SYDE1: variants seen among roughly 807,000 people sequenced by gnomAD.
SYDE1 encodes the protein synapse defective Rho GTPase activating protein 1.
In SYDE1, 34 loss-of-function variants were observed where a neutral mutation model predicts 63.3. That is an observed-to-expected ratio of 0.54 (90% CI 0.41 to 0.71). SYDE1 has a LOEUF of 0.71. Ranked by LOEUF, SYDE1 falls within the 30% of genes least tolerant of loss-of-function variation. The pLI is 0.00. For missense variants in SYDE1, 925 were observed against 1,042.5 expected (o/e 0.89, Z 1.55); for synonymous variants, 467 against 473.4 (o/e 0.99, Z 0.18).
At position 15,108,489 on chromosome 19, in the gene SYDE1, T is replaced by C. The variant is rs1024197866; in HGVS notation, c.89-567T>C. On this transcript the variant is annotated intron_variant, in intron 1 of 7. Coordinates refer to ENST00000342784, the MANE Select transcript of SYDE1 (RefSeq NM_033025.6). The surrounding 1 kb of genome is among the most constrained non-coding windows in gnomAD (Gnocchi z 4.3). ...GCCCATCCCAGGATGGCGACAGAGTTTGGAAGACAGGAGGGAGGGTAAAAG... is the reference window on the plus strand; with the variant it reads ...GCCCATCCCAGGATGGCGACAGAGTCTGGAAGACAGGAGGGAGGGTAAAAG... Among the ~76,000 whole-genome samples, 2 of 151,880 alleles carry C rather than the reference T, an allele frequency of 1.3e-5. No individual in the cohort carries two copies. The highest frequency in any genetic ancestry group is 4.8e-5 in the African/African-American group (2 of 41,342).
chr19:15,113,791 C>T lies in SYDE1; in HGVS notation c.2036C>T (p.Thr679Met), dbSNP rs746768171. ...TCCGGGCCAGACTACGACCACGTGA[C>T]GGGCAGTGACAGCGAGGACGAGGAC... ...FLSGPDYDHV[T>M]GSDSEDEDEE... The change falls in exon 8 of 8, where the codon ACG becomes ATG. Residue 679 changes from threonine (T) to methionine (M), a missense_variant. Physicochemically the swap from Thr to Met is moderately conservative, Grantham distance 81. Transcript: ENST00000342784. 1.9e-6 allele frequency: 3 copies of T among 1,614,154 alleles called. No individual in the cohort carries two copies. Among genetic ancestry groups the T allele is most frequent in the Non-Finnish European group, 2.5e-6 (3 of 1,180,050 alleles).
chr19:15,113,226 G>A (rs2046356940), intron 7 of SYDE1, among the ~76,000 whole-genome samples: 1 of 151,416 alleles, frequency 6.6e-6, no homozygotes, highest in Non-Finnish European at 1.5e-5. Context: ...TTTTAGTGGA[G>A]ATGGGGCTTC....
rs1599327062 is a variant in SYDE1 at position 15,114,023 on chromosome 19, T to C, written c.*60T>C. 6.6e-7 allele frequency: 1 copy of C among 1,519,280 alleles called. No individual in the cohort carries two copies. The highest frequency in any genetic ancestry group is 1.4e-5 in the African/African-American group (1 of 72,552). The allele number at this position is 1,519,280 out of a possible 1,614,324, so 94.1% of individuals were successfully genotyped here. ...ACCGGGCGCCCAGTGGCTAAGGCGG[T>C]GCCCTGGTGACCAAGGAGAGCCAGA... On this transcript the variant is annotated 3_prime_UTR_variant, in exon 8 of 8. Coordinates refer to ENST00000342784, the MANE Select transcript of SYDE1 (RefSeq NM_033025.6).
In SYDE1 at chr19:15,109,902, T is replaced by TGG; in HGVS notation, c.634_635dup (p.Pro213AlafsTer129). On this transcript the variant is annotated frameshift_variant, in exon 3 of 8. Coordinates refer to ENST00000342784, the MANE Select transcript of SYDE1 (RefSeq NM_033025.6). LOFTEE classifies it high-confidence loss of function. The surrounding 1 kb of genome is among the most constrained non-coding windows in gnomAD (Gnocchi z 5.0). The stretch of plus-strand genomic sequence containing the variant: ...AGCCGCTACCACCTGGACAGCAGCG[T>TGG]GGGGGGCCCCGGGCCGGCAGCAGGG... The TGG allele has an allele frequency of 6.8e-7, 1 of 1,477,034 alleles. No homozygotes were observed. The highest frequency in any genetic ancestry group is 8.9e-7 in the Non-Finnish European group (1 of 1,119,592). The allele number at this position is 1,477,034 out of a possible 1,614,324, so 91.5% of individuals were successfully genotyped here.
In SYDE1 at chr19:15,109,911, C is replaced by A; in HGVS notation, c.638C>A (p.Pro213His). 6.8e-7 allele frequency: 1 copy of A among 1,465,232 alleles called. No homozygotes were observed. 90.8% of individuals were successfully genotyped at this position (1,465,232 alleles called of 1,614,324 possible). ...RYHLDSSVGG[P>H]GPAAGPGGTR... ...CACCTGGACAGCAGCGTGGGGGGCC[C>A]CGGGCCGGCAGCAGGGCCTGGGGGC... is the stretch of plus-strand genomic sequence containing the variant. Residue 213 changes from proline to histidine, a missense_variant, in exon 3 of 8, where the codon CCC becomes CAC. Transcript: ENST00000342784. This position sits in a 1 kb window ranked among gnomAD's most constrained non-coding sequence, Gnocchi z 5.0.
In SYDE1 at chr19:15,111,681, GC is replaced by G. The variant is rs1568329383; in HGVS notation, c.1471del (p.Leu491CysfsTer39). ...AGTTGCCCACCCCACTCATCACCCA[GC>G]CCCTGTATAAGGTGGTACTGGAGGC... ...RELPTPLITQ[P>X]LYKVVLEAMA... On this transcript the variant is annotated frameshift_variant, in exon 6 of 8. Coordinates refer to ENST00000342784, the MANE Select transcript of SYDE1 (RefSeq NM_033025.6). LOFTEE classifies it high-confidence loss of function. This position sits in a 1 kb window ranked among gnomAD's most constrained non-coding sequence, Gnocchi z 5.5. 1 of 1,613,660 alleles carries G rather than the reference GC, an allele frequency of 6.2e-7. No homozygotes were observed. Among genetic ancestry groups the G allele is most frequent in the Non-Finnish European group, 8.5e-7 (1 of 1,179,814 alleles).
Position 15,113,955 on chromosome 19 carries a change from T to A in SYDE1, c.2200T>A (p.Cys734Ser). Reference protein sequence around the residue: ...ERELSKQINVCL With the variant: ...ERELSKQINVSL ...AGAGCTCTCCAAGCAAATCAACGTG[T>A]GCCTCTGAGCCAGATGACGGGGTGG... The change falls in exon 8 of 8, where the codon TGC becomes AGC. Residue 734 changes from cysteine to serine, a missense_variant. Cys to Ser is a moderately radical substitution (Grantham distance 112). This residue lies in a region of SYDE1 where 255 missense variants were observed against 255.9 expected (regional missense o/e 1.00). Transcript: ENST00000342784. The A allele has an allele frequency of 6.2e-7, 1 of 1,611,690 alleles. No homozygotes were observed. Among genetic ancestry groups the A allele is most frequent in the Non-Finnish European group, 8.5e-7 (1 of 1,178,388 alleles).
In SYDE1 at chr19:15,108,502, G is replaced by A. The variant is rs746200021; in HGVS notation, c.89-554G>A. On this transcript the variant is annotated intron_variant, in intron 1 of 7. Coordinates refer to ENST00000342784, the MANE Select transcript of SYDE1 (RefSeq NM_033025.6). The surrounding 1 kb of genome is among the most constrained non-coding windows in gnomAD (Gnocchi z 4.3). Reference sequence around the variant, plus strand: ...TGGCGACAGAGTTTGGAAGACAGGAGGGAGGGTAAAAGGGGCAGGGGACTG... The same window carrying A: ...TGGCGACAGAGTTTGGAAGACAGGAAGGAGGGTAAAAGGGGCAGGGGACTG... Among the ~76,000 whole-genome samples, 3 of 152,142 alleles carry A rather than the reference G, an allele frequency of 2.0e-5. No individual in the cohort carries two copies. Among genetic ancestry groups the A allele is most frequent in the Admixed American group, 6.5e-5 (1 of 15,286 alleles).
rs2046364145 is a variant in SYDE1 at position 15,113,832 on chromosome 19, C to G, written c.2077C>G (p.Pro693Ala). The change falls in exon 8 of 8, where the codon CCG becomes GCG. Residue 693 changes from proline to alanine, a missense_variant. By Grantham distance (27) the Pro-to-Ala change is conservative. Around this residue, in one of 3 missense-constraint regions of SYDE1, gnomAD observed 255 missense variants for 255.9 expected, o/e 1.00. Coordinates refer to ENST00000342784, the MANE Select transcript of SYDE1 (RefSeq NM_033025.6). ...GGACGAGGACGAGGAGGTCGGCGAG[C>G]CGAGGGTCACCGGTGACTTCGAAGA... is the stretch of plus-strand genomic sequence containing the variant. ...SEDEDEEVGE[P>A]RVTGDFEDDF... 6.2e-7 allele frequency: 1 copy of G among 1,614,182 alleles called. No individual in the cohort carries two copies. Among genetic ancestry groups the G allele is most frequent in the Non-Finnish European group, 8.5e-7 (1 of 1,180,036 alleles).
Position 15,109,902 on chromosome 19 carries a change from TG to T in SYDE1, c.635del (p.Gly212AlafsTer129), listed in dbSNP as rs1214190235. 4 of 1,477,032 alleles carry T rather than the reference TG, an allele frequency of 2.7e-6. No homozygotes were observed. Among genetic ancestry groups the T allele is most frequent in the Admixed American group, 2.4e-5 (1 of 41,954 alleles). The allele number at this position is 1,477,032 out of a possible 1,614,324, so 91.5% of individuals were successfully genotyped here. Reference sequence around the variant, plus strand: ...AGCCGCTACCACCTGGACAGCAGCGTGGGGGGCCCCGGGCCGGCAGCAGGGC... The same window carrying T: ...AGCCGCTACCACCTGGACAGCAGCGTGGGGGCCCCGGGCCGGCAGCAGGGC... The part of the protein sequence containing the change: ...VISRYHLDSS[V>X]GGPGPAAGPG... On this transcript the variant is annotated frameshift_variant, in exon 3 of 8. Transcript: ENST00000342784. LOFTEE classifies it high-confidence loss of function. This position sits in a 1 kb window ranked among gnomAD's most constrained non-coding sequence, Gnocchi z 5.0.
At position 15,113,674 on chromosome 19, in the gene SYDE1, G is replaced by A. The variant is rs750345958; in HGVS notation, c.1919G>A (p.Arg640Gln). The change falls in exon 8 of 8, where the codon CGA becomes CAA. Residue 640 changes from arginine to glutamine, a missense_variant. Physicochemically the swap from Arg to Gln is conservative, Grantham distance 43 (BLOSUM62 1). This residue lies in a region of SYDE1 where 255 missense variants were observed against 255.9 expected (regional missense o/e 1.00). Transcript: ENST00000342784. ...GAAGTGGTGACTCGGCCCCGCGGTC[G>A]AGGAGGCCCCGAAAGCCCCCCGAGC... ...DPEVVTRPRG[R>Q]GGPESPPSNR... 2.5e-6 allele frequency: 4 copies of A among 1,613,142 alleles called. No homozygotes were observed. The African/African-American group carries it at 5.3e-5, about 22-fold the overall frequency.
Position 15,109,325 on chromosome 19 carries a change from C to T in SYDE1, c.358C>T (p.Pro120Ser). The T allele has an allele frequency of 1.2e-6, 2 of 1,609,340 alleles. No homozygotes were observed. Among genetic ancestry groups the T allele is most frequent in the South Asian group, 1.1e-5 (1 of 90,708 alleles). The change falls in exon 2 of 8, where the codon CCC becomes TCC. Residue 120 changes from proline to serine, a missense_variant. Physicochemically the swap from Pro to Ser is moderately conservative, Grantham distance 74. This residue lies in a region of SYDE1 where 599 missense variants were observed against 653.7 expected (regional missense o/e 0.92). Coordinates refer to ENST00000342784, the MANE Select transcript of SYDE1 (RefSeq NM_033025.6). This position sits in a 1 kb window ranked among gnomAD's most constrained non-coding sequence, Gnocchi z 5.0. ...GTACAACCCCATCCCTGAGGAAGACCCCAGACCTCCAGCACCTGAGCCCCC... is the reference window on the plus strand; with the variant it reads ...GTACAACCCCATCCCTGAGGAAGACTCCAGACCTCCAGCACCTGAGCCCCC... ...IWYNPIPEED[P>S]RPPAPEPPGP...
In SYDE1 at chr19:15,110,186, C is replaced by T; in HGVS notation, c.913C>T (p.Pro305Ser). ...VDGEARARTGPLRGGPDFLRL... is the reference protein window; with the variant it reads ...VDGEARARTGSLRGGPDFLRL... The stretch of plus-strand genomic sequence containing the variant: ...TGGGGAGGCCAGGGCCCGAACAGGG[C>T]CACTGCGAGGGGGGCCGGACTTCCT... The change falls in exon 3 of 8, where the codon CCA becomes TCA. Residue 305 changes from proline (P) to serine (S), a missense_variant. This residue lies in a region of SYDE1 where 599 missense variants were observed against 653.7 expected (regional missense o/e 0.92). Transcript: ENST00000342784. The surrounding 1 kb of genome is among the most constrained non-coding windows in gnomAD (Gnocchi z 6.9). The T allele has an allele frequency of 7.1e-7, 1 of 1,414,072 alleles. No homozygotes were observed. The highest frequency in any genetic ancestry group is 9.2e-7 in the Non-Finnish European group (1 of 1,087,260). The allele number at this position is 1,414,072 out of a possible 1,614,324, so 87.6% of individuals were successfully genotyped here.
Position 15,109,324 on chromosome 19 carries a change from C to T in SYDE1, c.357C>T (p.Asp119=), listed in dbSNP as rs754798208. The T allele has an allele frequency of 3.7e-5, 60 of 1,609,152 alleles. No homozygotes were observed. The highest frequency in any genetic ancestry group is 5.0e-5 in the Non-Finnish European group (59 of 1,177,058). ...GGTACAACCCCATCCCTGAGGAAGACCCCAGACCTCCAGCACCTGAGCCCC... is the reference window on the plus strand; with the variant it reads ...GGTACAACCCCATCCCTGAGGAAGATCCCAGACCTCCAGCACCTGAGCCCC... ...EIWYNPIPEE[D]PRPPAPEPPG... is the part of the protein sequence containing the mutation. Residue 119 remains aspartate (D), a synonymous_variant, in exon 2 of 8, where the codon GAC becomes GAT. Transcript: ENST00000342784. This position sits in a 1 kb window ranked among gnomAD's most constrained non-coding sequence, Gnocchi z 5.0.
rs1370218739 is a variant in SYDE1, at chr19:15,110,579, G to A, written c.1134G>A (p.Lys378=). ...AGCCTCAGGGGCTGCTGTATGCCAA[G>A]CTGACCCTGTCGGAGCAGCAGGAAG... ...RLEPQGLLYA[K]LTLSEQQEAP... is the part of the protein sequence containing the mutation. The change falls in exon 4 of 8, where the codon AAG becomes AAA. Residue 378 remains lysine (K), a synonymous_variant. Transcript: ENST00000342784. This position sits in a 1 kb window ranked among gnomAD's most constrained non-coding sequence, Gnocchi z 6.9. 6.3e-7 allele frequency: 1 copy of A among 1,598,356 alleles called. No homozygotes were observed. The highest frequency in any genetic ancestry group is 1.3e-5 in the African/African-American group (1 of 74,818).
rs1169275259 is a variant in SYDE1 at position 15,113,593 on chromosome 19, C to T, written c.1838C>T (p.Ala613Val). ...CTGCCCCGACAATCTCCAGATGTCGCGCCTTACTTGCGACCCAAACGACAG... is the reference window on the plus strand; with the variant it reads ...CTGCCCCGACAATCTCCAGATGTCGTGCCTTACTTGCGACCCAAACGACAG... ...PRLPRQSPDVAPYLRPKRQPP... is the reference protein window; with the variant it reads ...PRLPRQSPDVVPYLRPKRQPP... Residue 613 changes from alanine to valine, a missense_variant, in exon 8 of 8, where the codon GCG becomes GTG. Ala to Val is a moderately conservative substitution (Grantham distance 64). This residue lies in a region of SYDE1 where 255 missense variants were observed against 255.9 expected (regional missense o/e 1.00). Coordinates refer to ENST00000342784, the MANE Select transcript of SYDE1 (RefSeq NM_033025.6). 6.3e-7 allele frequency: 1 copy of T among 1,584,436 alleles called. No individual in the cohort carries two copies. Among genetic ancestry groups the T allele is most frequent in the Non-Finnish European group, 8.6e-7 (1 of 1,164,014 alleles).
At position 15,112,537 on chromosome 19, in the gene SYDE1, C is replaced by T. The variant is rs1171314901; in HGVS notation, c.1770C>T (p.Ile590=). Residue 590 remains isoleucine (I), a synonymous_variant, in exon 7 of 8, where the codon ATC becomes ATT. Coordinates refer to ENST00000342784, the MANE Select transcript of SYDE1 (RefSeq NM_033025.6). ...GTGCAGTGGACTTCAAGCACCACAT[C>T]GAGGTGCTGCACTACCTGCTGCAGT... ...LASAVDFKHH[I]EVLHYLLQSW... is the part of the protein sequence containing the mutation. 6.9e-6 allele frequency: 11 copies of T among 1,597,722 alleles called. No individual in the cohort carries two copies. The highest frequency in any genetic ancestry group is 4.5e-5 in the East Asian group (2 of 44,314).
Position 15,111,291 on chromosome 19 carries a change from C to T in SYDE1, c.1291-22C>T, listed in dbSNP as rs1599324150. The T allele has an allele frequency of 1.9e-6, 3 of 1,613,394 alleles. No homozygotes were observed. Among genetic ancestry groups the T allele is most frequent in the Middle Eastern group, 1.7e-4 (1 of 6,060 alleles). Reference sequence around the variant, plus strand: ...TCTGTGGCCCCGGCAAGAAGACATTCACTCTCTCTTCCCACCCCCAGGTAG... The same window carrying T: ...TCTGTGGCCCCGGCAAGAAGACATTTACTCTCTCTTCCCACCCCCAGGTAG... On this transcript the variant is annotated intron_variant, in intron 4 of 7. Coordinates refer to ENST00000342784, the MANE Select transcript of SYDE1 (RefSeq NM_033025.6). This position sits in a 1 kb window ranked among gnomAD's most constrained non-coding sequence, Gnocchi z 5.5.
chr19:15,107,615 CAGGGG>C, intron 1 of SYDE1, 94 bp downstream of exon 1: 4 of 759,882 alleles, frequency 5.3e-6, no homozygotes, highest in Non-Finnish European at 5.8e-6. Context: ...TGGGGGGGAT[CAGGGG>C]GAGCCCCCCG....
Sources: allele counts gnomAD v4.1 joint callset (sites outside exome capture counted in the v4.1 genomes callset), GRCh38; gene constraint gnomAD v4.1.1; regional missense constraint gnomAD v4.1.1; non-coding constraint Gnocchi (gnomAD v3.1); transcripts MANE v1.5; gene names NCBI Gene and HGNC (gene_info 2026-07-23, HGNC 2026-07-21).